GRID2: variants seen among roughly 807,000 people sequenced by gnomAD.
The protein encoded by GRID2 is glutamate receptor ionotropic, delta-2.
Under a neutral mutation model 114.8 loss-of-function variants are expected in GRID2, and 33 were observed. The observed-to-expected ratio is 0.29, with a 90% CI of 0.22 to 0.38. GRID2 has a LOEUF of 0.38. GRID2 is among the 10% of genes least tolerant of loss of function. The probability of loss-of-function intolerance (pLI) is 1.00; values close to 1 mark genes in which losing one functional copy is unlikely to be tolerated. For synonymous variants in GRID2, 505 were observed against 449.9 expected, an observed-to-expected ratio of 1.12 and a Z score of -1.55; for missense variants, 1,184 against 1,257.7, an observed-to-expected ratio of 0.94 and a Z score of 0.89.
chr4:93,283,888 G>A (rs921185044), intron 8 of GRID2, among the ~76,000 whole-genome samples: 7 of 151,952 alleles, frequency 4.6e-5, no homozygotes, highest in African/African-American at 9.7e-5. Flanking sequence ...ACTTATCTGC[G>A]GGTAGTAGTT....
intron 7 of GRID2, among the ~76,000 whole-genome samples, chr4:93,236,144 G>A (rs1338882796): frequency 6.6e-6 from 1 of 152,006 alleles, no homozygotes; most frequent in Non-Finnish European, 1.5e-5. Flanking sequence ...AATTCCTACA[G>A]TATTTGTCAT....
chr4:93,239,820 G>A (rs527419246), intron 8 of GRID2, among the ~76,000 whole-genome samples: 1 of 151,398 alleles, frequency 6.6e-6, no homozygotes, highest in Admixed American at 6.6e-5. Flanking sequence ...TAATTTATTT[G>A]CATTTAAAAT....
At chr4:92,829,027 C>T (rs1426789784) in intron 2 of GRID2, among the ~76,000 whole-genome samples, 1 of 152,146 alleles carries the variant, frequency 6.6e-6, no homozygotes, top group Non-Finnish European at 1.5e-5. Context: ...AATTAGATCC[C>T]ATTTGTCAAT....
At chr4:92,548,006 T>G (rs1240938353) in intron 1 of GRID2, among the ~76,000 whole-genome samples, 2 of 152,094 alleles carry the variant, frequency 1.3e-5, no homozygotes, top group Non-Finnish European at 2.9e-5. Context: ...ACCTGAATTC[T>G]TCTGAATTCC....
At position 93,211,734 on chromosome 4, in the gene GRID2, C is replaced by G. The variant is rs569339143; in HGVS notation, c.789+4277C>G. Among the ~76,000 whole-genome samples the G allele has an allele frequency of 2.0e-5, 3 of 152,262 alleles. No homozygotes were observed. The South Asian group carries it at 6.2e-4, about 32-fold the overall frequency. On this transcript the variant is annotated intron_variant, in intron 5 of 15. Transcript: ENST00000282020. ...CACACTGCCTAGCCTCTTAAAAATA[C>G]AATGTTCACAACCCATACCATTTAC... is the stretch of plus-strand genomic sequence containing the variant.
Position 92,477,038 on chromosome 4 carries a change from CATGTGTGT to C in GRID2, c.89-113092_89-113085del, listed in dbSNP as rs1192180141. The stretch of plus-strand genomic sequence containing the variant: ...ATGGCTAAACTATTTGATTTAACTT[CATGTGTGT>C]GTGTGTGTGTGTGTGTGTGTGTGTG... On this transcript the variant is annotated intron_variant, in intron 1 of 15. Coordinates refer to ENST00000282020, the MANE Select transcript of GRID2 (RefSeq NM_001510.4). Among the ~76,000 whole-genome samples the C allele has an allele frequency of 7.8e-3, 817 of 104,866 alleles. 16 individuals are homozygous for C. The highest frequency in any genetic ancestry group is 0.021 in the African/African-American group (629 of 29,938). The allele number at this position is 104,866 out of a possible 152,430, so 68.8% of individuals were successfully genotyped here.
At chr4:92,687,190 T>A (rs911525710) in intron 2 of GRID2, among the ~76,000 whole-genome samples, 11 of 151,954 alleles carry the variant, frequency 7.2e-5, no homozygotes, top group Admixed American at 2.0e-4. Flanking sequence ...TGATTTTTTT[T>A]TTTTTTCAGG....
intron 2 of GRID2, among the ~76,000 whole-genome samples, chr4:92,657,374 G>C (rs1383118470): frequency 6.6e-6 from 1 of 151,536 alleles, no homozygotes. Context: ...AGCTGAATTT[G>C]ATGGTATGTT....
chr4:93,608,768 ACATACGGGTG>A lies in GRID2; in HGVS notation c.2194-17497_2194-17488del, dbSNP rs200719255. The stretch of plus-strand genomic sequence containing the variant: ...GCTATTGTGAACAGTGCCGCAATAA[ACATACGGGTG>A]CATGTGTCTTTATAGCAGCATGATT... On this transcript the variant is annotated intron_variant, in intron 13 of 15. Coordinates refer to ENST00000282020, the MANE Select transcript of GRID2 (RefSeq NM_001510.4). 1.2e-4 allele frequency among the ~76,000 whole-genome samples: 16 copies of A among 137,406 alleles called. 1 individual carries two copies. In the East Asian group the frequency reaches 3.1e-3, roughly 27 times the overall value. 90.1% of individuals were successfully genotyped at this position (137,406 alleles called of 152,430 possible).
chr4:93,133,054 T>A (rs1292354081), intron 4 of GRID2, among the ~76,000 whole-genome samples: 1 of 152,150 alleles, frequency 6.6e-6, no homozygotes, highest in Non-Finnish European at 1.5e-5. Context: ...CATGAGACAT[T>A]AAGGGATTTG....
intron 13 of GRID2, among the ~76,000 whole-genome samples, chr4:93,536,780 T>A (rs1732131786): frequency 6.6e-6 from 1 of 151,602 alleles, no homozygotes; most frequent in Non-Finnish European, 1.5e-5. Flanking sequence ...ATAAATCAAA[T>A]AAATAAGGGA....
intron 1 of GRID2, among the ~76,000 whole-genome samples, chr4:92,359,029 G>C (rs1242573817): frequency 1.3e-5 from 2 of 151,792 alleles, no homozygotes; most frequent in Admixed American, 6.6e-5. Flanking sequence ...CAATGAATAA[G>C]TCCCTTAAAA....
At chr4:92,706,256 G>A (rs1214335434) in intron 2 of GRID2, among the ~76,000 whole-genome samples, 5 of 152,092 alleles carry the variant, frequency 3.3e-5, no homozygotes, top group Admixed American at 6.6e-5. Context: ...ATTTCTTATT[G>A]GCTATAGTTG....
At chr4:92,695,416 G>A (rs190991769) in intron 2 of GRID2, among the ~76,000 whole-genome samples, 38 of 151,702 alleles carry the variant, frequency 2.5e-4, no homozygotes, top group Admixed American at 1.4e-3. Context: ...ACCGTAAACC[G>A]TAAGAAAACT....
At chr4:92,896,942 A>C (rs557863672) in intron 2 of GRID2, among the ~76,000 whole-genome samples, 1 of 151,960 alleles carries the variant, frequency 6.6e-6, no homozygotes, top group Non-Finnish European at 1.5e-5. Context: ...GGGTTTCATC[A>C]TGTTTGCCAG....
chr4:93,060,182 A>G (rs555875954), intron 2 of GRID2, among the ~76,000 whole-genome samples: 1 of 152,294 alleles, frequency 6.6e-6, no homozygotes, highest in African/African-American at 2.4e-5. Flanking sequence ...TAGACTCCCC[A>G]GTTAATGAGG....
chr4:92,547,714 G>A (rs996462021), intron 1 of GRID2, among the ~76,000 whole-genome samples: 1 of 151,290 alleles, frequency 6.6e-6, no homozygotes, highest in Non-Finnish European at 1.5e-5. Context: ...CATACCTCAT[G>A]CACACACAAC....
At chr4:93,108,620 A>G (rs890221728) in intron 3 of GRID2, among the ~76,000 whole-genome samples, 3 of 145,552 alleles carry the variant, frequency 2.1e-5, no homozygotes, top group African/African-American at 7.4e-5. Context: ...CTGCTCTGAC[A>G]TGTATTTTTT....
intron 2 of GRID2, among the ~76,000 whole-genome samples, chr4:93,018,791 G>A (rs1723009048): frequency 1.3e-5 from 2 of 152,134 alleles, no homozygotes; most frequent in Non-Finnish European, 2.9e-5. Context: ...ATTGTATCCA[G>A]CAAAGTGGTA....
Sources: gnomAD v4.1 joint callset for allele counts (sites outside exome capture counted in the v4.1 genomes callset) on GRCh38, gnomAD v4.1.1 for gene constraint, MANE v1.5 for transcripts, NCBI Gene and HGNC (gene_info 2026-07-23, HGNC 2026-07-21) for gene names.